ROBO1: variants seen among roughly 807,000 people sequenced by gnomAD.
ROBO1 encodes the protein roundabout guidance receptor 1, also known as roundabout homolog 1.
A neutral mutation model predicts 195.9 loss-of-function variants in ROBO1; 149 were observed. The observed-to-expected ratio is 0.76, with a 90% CI of 0.67 to 0.87. The LOEUF is 0.87. Ranked by LOEUF, ROBO1 falls within the 40% of genes least tolerant of loss-of-function variation. The pLI is 0.00. For synonymous variants in ROBO1, 816 were observed against 733.2 expected, an observed-to-expected ratio of 1.11 and a Z score of -1.82; for missense variants, 1,933 against 2,068.3, an observed-to-expected ratio of 0.93 and a Z score of 1.27.
intron 2 of ROBO1, among the ~76,000 whole-genome samples, chr3:79,447,124 C>T (rs1178461567): frequency 2.6e-5 from 4 of 152,088 alleles, no homozygotes; most frequent in African/African-American, 9.7e-5. Flanking sequence ...CCACCATGCG[C>T]GGCCCAAAAT....
intron 1 of ROBO1, among the ~76,000 whole-genome samples, chr3:79,676,966 A>G (rs1946801462): frequency 6.6e-6 from 1 of 152,068 alleles, no homozygotes; most frequent in African/African-American, 2.4e-5. Context: ...GACTCTTGGG[A>G]ACCTTGGGAT....
At chr3:79,597,434 G>T (rs1944210927) in intron 1 of ROBO1, among the ~76,000 whole-genome samples, 1 of 151,640 alleles carries the variant, frequency 6.6e-6, no homozygotes. Context: ...TTTTAAAATG[G>T]CATACACATA....
At chr3:79,657,584 TG>T (rs1946205706) in intron 1 of ROBO1, among the ~76,000 whole-genome samples, 2 of 152,088 alleles carry the variant, frequency 1.3e-5, no homozygotes, top group Non-Finnish European at 2.9e-5. Flanking sequence ...TACAGATTAC[TG>T]ATTAAAACTA....
intron 1 of ROBO1, among the ~76,000 whole-genome samples, chr3:79,754,215 G>A (rs909419412): frequency 1.3e-5 from 2 of 152,168 alleles, no homozygotes; most frequent in African/African-American, 4.8e-5. Flanking sequence ...CTGAAGATAA[G>A]CAGTGATTAT....
intron 2 of ROBO1, among the ~76,000 whole-genome samples, chr3:79,482,282 G>T (rs1318469058): frequency 2.0e-5 from 3 of 152,118 alleles, no homozygotes; most frequent in African/African-American, 7.2e-5. Context: ...AATTGATATG[G>T]TTTGGCTGTG....
At chr3:79,295,592 A>G (rs2032543879) in intron 2 of ROBO1, among the ~76,000 whole-genome samples, 1 of 152,068 alleles carries the variant, frequency 6.6e-6, no homozygotes, top group Admixed American at 6.5e-5. Context: ...AACTTAAAGT[A>G]TAATAATAAT....
At position 78,598,322 on chromosome 3, in the gene ROBO1, A is replaced by ATAT. The variant is rs1468449092; in HGVS notation, c.*588_*590dup. The stretch of plus-strand genomic sequence containing the variant: ...TACCACCAGGGTTTGCAAAGAGTAA[A>ATAT]TATTTACAATGTTTCTACCCCATTC... On this transcript the variant is annotated 3_prime_UTR_variant, in exon 31 of 31. Coordinates refer to ENST00000464233, the MANE Select transcript of ROBO1 (RefSeq NM_002941.4). 6.6e-6 allele frequency: 1 copy of ATAT among 152,384 alleles called. No homozygotes were observed. Among genetic ancestry groups the ATAT allele is most frequent in the Admixed American group, 6.6e-5 (1 of 15,262 alleles). The allele number at this position is 152,384 out of a possible 1,614,324, so 9.4% of individuals were successfully genotyped here.
At chr3:78,726,932 C>T (rs987861195) in intron 5 of ROBO1, among the ~76,000 whole-genome samples, 15 of 152,028 alleles carry the variant, frequency 9.9e-5, no homozygotes, top group African/African-American at 3.4e-4. Flanking sequence ...GAAAAAATAA[C>T]TTGTTTGAGG....
intron 3 of ROBO1, among the ~76,000 whole-genome samples, chr3:79,098,924 C>G (rs1000203026): frequency 2.0e-5 from 3 of 151,630 alleles, no homozygotes; most frequent in African/African-American, 7.3e-5. Context: ...TCCTAACAAT[C>G]ACTATGAAAT....
At chr3:79,540,515 C>A (rs1308148653) in intron 2 of ROBO1, among the ~76,000 whole-genome samples, 1 of 152,094 alleles carries the variant, frequency 6.6e-6, no homozygotes, top group Admixed American at 6.6e-5. Flanking sequence ...CAAGCTCCAA[C>A]TCCACTCCCC....
At chr3:79,757,370 C>A (rs1460237664) in intron 1 of ROBO1, among the ~76,000 whole-genome samples, 2 of 152,096 alleles carry the variant, frequency 1.3e-5, no homozygotes, top group African/African-American at 2.4e-5. Context: ...ACCTGACAGA[C>A]AATAACCAGA....
intron 1 of ROBO1, among the ~76,000 whole-genome samples, chr3:79,663,128 T>C (rs1946379904): frequency 6.6e-6 from 1 of 152,084 alleles, no homozygotes; most frequent in Non-Finnish European, 1.5e-5. Flanking sequence ...TACTATAGCT[T>C]ATCACTTATC....
At chr3:78,768,645 GTTC>G (rs2108409423) in intron 4 of ROBO1, among the ~76,000 whole-genome samples, 1 of 134,794 alleles carries the variant, frequency 7.4e-6, no homozygotes, top group Non-Finnish European at 1.6e-5. Context: ...GTGGCAGTAT[GTTC>G]TTTTTTTTTT....
intron 3 of ROBO1, among the ~76,000 whole-genome samples, chr3:79,033,768 A>G (rs1234302276): frequency 1.3e-5 from 2 of 152,128 alleles, no homozygotes; most frequent in Non-Finnish European, 2.9e-5. Flanking sequence ...GATTTATTTT[A>G]TATTTTCAAT....
At chr3:78,618,119 C>T in intron 26 of ROBO1, 78 bp from the exon 27 acceptor site, 1 of 1,435,460 alleles carries the variant, frequency 7.0e-7, no homozygotes, top group Non-Finnish European at 9.4e-7. Flanking sequence ...AAGAAATTCA[C>T]AAGCATGCAG....
At position 78,948,350 on chromosome 3, in the gene ROBO1, C is replaced by T. The variant is rs533753908; in HGVS notation, c.173-9423G>A. Reference sequence around the variant, plus strand: ...TGGGCTTCATCCCTGGGATGCAAGGCTGGTTCAACATACACAAATCAATAA... The same window carrying T: ...TGGGCTTCATCCCTGGGATGCAAGGTTGGTTCAACATACACAAATCAATAA... On this transcript the variant is annotated intron_variant, in intron 3 of 30. Transcript: ENST00000464233. Among the ~76,000 whole-genome samples, 223 of 152,288 alleles carry T rather than the reference C, an allele frequency of 1.5e-3. 1 individual carries two copies. Among genetic ancestry groups the T allele is most frequent in the Middle Eastern group, 0.014 (4 of 294 alleles).
intron 2 of ROBO1, among the ~76,000 whole-genome samples, chr3:79,388,843 A>C (rs1205040073): frequency 6.6e-6 from 1 of 152,162 alleles, no homozygotes; most frequent in Non-Finnish European, 1.5e-5. Context: ...ACAGAGCAAC[A>C]ACAATCCCCA....
intron 4 of ROBO1, among the ~76,000 whole-genome samples, chr3:78,827,132 GAATACTC>G (rs2108715970): frequency 6.6e-6 from 1 of 152,106 alleles, no homozygotes; most frequent in Admixed American, 6.5e-5. Context: ...ATTGAATATA[GAATACTC>G]AATCCATGTG....
At chr3:79,269,706 C>T (rs2030343481) in intron 2 of ROBO1, among the ~76,000 whole-genome samples, 1 of 151,630 alleles carries the variant, frequency 6.6e-6, no homozygotes, top group African/African-American at 2.4e-5. Context: ...GTAATTAGCA[C>T]TGTATTTTAA....
Sources: gnomAD v4.1 joint callset for allele counts (sites outside exome capture counted in the v4.1 genomes callset) on GRCh38, gnomAD v4.1.1 for gene constraint, MANE v1.5 for transcripts, NCBI Gene and HGNC (gene_info 2026-07-23, HGNC 2026-07-21) for gene names.